Variants in ATP1B1 observed in about 807,000 individuals in gnomAD.
ATP1B1 encodes sodium/potassium-transporting ATPase subunit beta-1.
ATP1B1 carries 3 observed loss-of-function variants against 39.6 expected under a neutral mutation model. The observed-to-expected ratio is 0.08, with a 90% CI of 0.03 to 0.20. The LOEUF (loss-of-function observed/expected upper bound fraction) is 0.20, where lower values mean the gene tolerates loss of function less well. Among genes scored for constraint, ATP1B1 ranks in the 10% least tolerant of loss-of-function variants. ATP1B1 has a pLI of 1.00. For synonymous variants in ATP1B1, 139 were observed against 135.0 expected (o/e 1.03, Z -0.20); for missense variants, 216 against 371.1 (o/e 0.58, Z 3.43).
rs924182071 is a variant in ATP1B1 at position 169,111,270 on chromosome 1, G to A, written c.98-100G>A. The A allele has an allele frequency of 6.4e-5, 96 of 1,492,456 alleles. 1 individual carries two copies. In the South Asian group the frequency reaches 9.4e-4, roughly 15 times the overall value. The allele number at this position is 1,492,456 out of a possible 1,614,324, so 92.5% of individuals were successfully genotyped here. ...TGGACAAGGAAGAAATCATGGGACC[G>A]GGGGAACCAGGAAGGAAGCTTGTTC... On this transcript the variant is annotated intron_variant, in intron 1 of 5. Transcript: ENST00000367815.
intron 2 of ATP1B1, among the ~76,000 whole-genome samples, chr1:169,113,261 T>C (rs867635109): frequency 1.3e-5 from 2 of 152,040 alleles, no homozygotes; most frequent in Non-Finnish European, 2.9e-5. Flanking sequence ...AGACAAGGTT[T>C]CACCATGTTG....
chr1:169,121,441 C>A (rs1209220859), intron 2 of ATP1B1, among the ~76,000 whole-genome samples: 2 of 152,158 alleles, frequency 1.3e-5, no homozygotes, highest in African/African-American at 4.8e-5. Flanking sequence ...GTCCCCTGGT[C>A]ACTTTTAATA....
chr1:169,113,072 T>G (rs1657761630), intron 2 of ATP1B1, among the ~76,000 whole-genome samples: 1 of 139,182 alleles, frequency 7.2e-6, no homozygotes, highest in African/African-American at 3.0e-5. Flanking sequence ...TTTATAATTC[T>G]TTTTTTTTTT....
chr1:169,116,100 C>T (rs866815085), intron 2 of ATP1B1, among the ~76,000 whole-genome samples: 1 of 152,244 alleles, frequency 6.6e-6, no homozygotes, highest in Non-Finnish European at 1.5e-5. Context: ...CACGCATGCT[C>T]ATGGATATAC....
intron 2 of ATP1B1, among the ~76,000 whole-genome samples, chr1:169,112,197 C>G (rs1421159015): frequency 6.6e-6 from 1 of 152,198 alleles, no homozygotes; most frequent in East Asian, 1.9e-4. Flanking sequence ...CTTGGGTGAA[C>G]AAAAAGATTA....
Position 169,131,303 on chromosome 1 carries a change from T to C in ATP1B1, c.660T>C (p.Asp220=), listed in dbSNP as rs1557953917. ...PVQCTGKRDE[D]KDKVGNVEYF... is the part of the protein sequence containing the mutation. The stretch of plus-strand genomic sequence containing the variant: ...ATTCTGGATTTCAGCGAGATGAAGA[T>C]AAGGATAAAGTTGGAAATGTGGAGT... The change falls in exon 6 of 6, where the codon GAT becomes GAC. Residue 220 remains aspartate, a synonymous_variant. Coordinates refer to ENST00000367815, the MANE Select transcript of ATP1B1 (RefSeq NM_001677.4). The surrounding 1 kb of genome is among the most constrained non-coding windows in gnomAD (Gnocchi z 4.4). 1 of 1,613,052 alleles carries C rather than the reference T, an allele frequency of 6.2e-7. No homozygotes were observed.
intron 2 of ATP1B1, among the ~76,000 whole-genome samples, chr1:169,118,371 G>A (rs1015582485): frequency 3.3e-5 from 5 of 152,176 alleles, no homozygotes; most frequent in East Asian, 1.9e-4. Context: ...TCTGAGTGTC[G>A]GAGGGTGTGA....
Position 169,106,734 on chromosome 1 carries a change from G to C in ATP1B1, c.-96G>C, listed in dbSNP as rs1215153755. On this transcript the variant is annotated 5_prime_UTR_variant, in exon 1 of 6. Transcript: ENST00000367815. ...CAGCGGCGCGTCCTGCCTGCAGAGAGCCAGGCCGGAGAAGCCGAGCGGCGC... is the reference window on the plus strand; with the variant it reads ...CAGCGGCGCGTCCTGCCTGCAGAGACCCAGGCCGGAGAAGCCGAGCGGCGC... The C allele has an allele frequency of 1.0e-6, 1 of 993,126 alleles. No individual in the cohort carries two copies. Among genetic ancestry groups the C allele is most frequent in the African/African-American group, 1.7e-5 (1 of 57,316 alleles). The allele number at this position is 993,126 out of a possible 1,614,324, so 61.5% of individuals were successfully genotyped here. A position where few individuals can be genotyped will look rare whatever the true frequency, so the allele number is the denominator to read the frequency against.
intron 3 of ATP1B1, 104 bp from the exon 4 acceptor site, chr1:169,127,120 C>T (rs937124258): frequency 3.5e-5 from 43 of 1,220,692 alleles, no homozygotes; most frequent in African/African-American, 7.9e-5. Flanking sequence ...TGCAGAATAG[C>T]GTACTCTCAG....
Position 169,131,218 on chromosome 1 carries a change from T to C in ATP1B1, c.649-74T>C. The C allele has an allele frequency of 1.4e-6, 2 of 1,406,418 alleles. No individual in the cohort carries two copies. Among genetic ancestry groups the C allele is most frequent in the Admixed American group, 2.1e-5 (1 of 48,062 alleles). The allele number at this position is 1,406,418 out of a possible 1,614,324, so 87.1% of individuals were successfully genotyped here. ...GTAGTTTGCAAACTACTGTGTAGAT[T>C]GAGTCTTGTTTTTGAGTACACATAG... On this transcript the variant is annotated intron_variant, in intron 5 of 5. Transcript: ENST00000367815. The surrounding 1 kb of genome is among the most constrained non-coding windows in gnomAD (Gnocchi z 4.4).
At position 169,131,435 on chromosome 1, in the gene ATP1B1, C is replaced by G. The variant is rs768885456; in HGVS notation, c.792C>G (p.Thr264=). Residue 264 remains threonine (T), a synonymous_variant, in exon 6 of 6, where the codon ACC becomes ACG. Coordinates refer to ENST00000367815, the MANE Select transcript of ATP1B1 (RefSeq NM_001677.4). The surrounding 1 kb of genome is among the most constrained non-coding windows in gnomAD (Gnocchi z 4.4). Reference sequence around the variant, plus strand: ...AGCCCCTGCTGGCCGTACAGTTCACCAATCTTACCATGGACACTGAAATTC... The same window carrying G: ...AGCCCCTGCTGGCCGTACAGTTCACGAATCTTACCATGGACACTGAAATTC... The part of the protein sequence containing the change: ...YLQPLLAVQF[T]NLTMDTEIRI... The G allele has an allele frequency of 6.2e-7, 1 of 1,614,140 alleles. No homozygotes were observed. Among genetic ancestry groups the G allele is most frequent in the Non-Finnish European group, 8.5e-7 (1 of 1,180,034 alleles).
intron 4 of ATP1B1, among the ~76,000 whole-genome samples, chr1:169,128,576 TAGAC>T (rs1557952879): frequency 6.6e-6 from 1 of 152,166 alleles, no homozygotes; most frequent in Non-Finnish European, 1.5e-5. Context: ...TCTTTCCACA[TAGAC>T]AGGATATAAT....
chr1:169,107,024 G>A (rs1657608307), intron 1 of ATP1B1, 98 bp downstream of exon 1: 1 of 1,208,438 alleles, frequency 8.3e-7, no homozygotes. Context: ...CACCCACCGC[G>A]CTGGCCGGGG....
intron 2 of ATP1B1, among the ~76,000 whole-genome samples, chr1:169,112,530 G>A (rs1475877196): frequency 1.3e-5 from 2 of 152,178 alleles, no homozygotes; most frequent in African/African-American, 4.8e-5. Context: ...CTGTATTTAG[G>A]TGACAATCTT....
intron 1 of ATP1B1, among the ~76,000 whole-genome samples, 185 bp downstream of exon 1, chr1:169,107,111 C>G (rs1390099677): frequency 6.6e-6 from 1 of 152,166 alleles, no homozygotes; most frequent in African/African-American, 2.4e-5. Flanking sequence ...TGCGGTGTCC[C>G]CAGAGTGGGG....
chr1:169,123,078 A>G (rs1027890066), intron 2 of ATP1B1, among the ~76,000 whole-genome samples: 1 of 152,170 alleles, frequency 6.6e-6, no homozygotes. Context: ...CTCAATCACT[A>G]GAAAGAATAG....
intron 2 of ATP1B1, among the ~76,000 whole-genome samples, chr1:169,113,797 T>G (rs1375978723): frequency 6.6e-6 from 1 of 152,134 alleles, no homozygotes; most frequent in Non-Finnish European, 1.5e-5. Context: ...CTTGGAAAAA[T>G]GCATTCCTGT....
chr1:169,118,174 G>T (rs1388579720), intron 2 of ATP1B1, among the ~76,000 whole-genome samples: 1 of 152,168 alleles, frequency 6.6e-6, no homozygotes, highest in Non-Finnish European at 1.5e-5. Flanking sequence ...CTCCCTGCTT[G>T]CCTGAAAGTG....
intron 2 of ATP1B1, among the ~76,000 whole-genome samples, chr1:169,111,717 G>C (rs187128455): frequency 9.2e-5 from 14 of 152,306 alleles, no homozygotes; most frequent in Admixed American, 2.0e-4. Context: ...CAGTTCTAGA[G>C]TGAGGGTGAA....
Sources: allele counts gnomAD v4.1 joint callset (sites outside exome capture counted in the v4.1 genomes callset), GRCh38; gene constraint gnomAD v4.1.1; non-coding constraint Gnocchi (gnomAD v3.1); transcripts MANE v1.5; gene names NCBI Gene and HGNC (gene_info 2026-07-23, HGNC 2026-07-21).